SDK1: variants seen among roughly 807,000 people sequenced by gnomAD.
SDK1 encodes the protein sidekick cell adhesion molecule 1, also known as protein sidekick-1.
SDK1 carries 157 observed loss-of-function variants against 245.5 expected under a neutral mutation model. The observed-to-expected ratio is 0.64, with a 90% CI of 0.56 to 0.73. SDK1 has a LOEUF of 0.73. SDK1 is among the 30% of genes least tolerant of loss of function. SDK1 has a pLI of 0.00. For missense variants in SDK1, 3,583 were observed against 3,002.3 expected (o/e 1.19, Z -4.52); for synonymous variants, 1,647 against 1,278.5 (o/e 1.29, Z -6.15).
At chr7:3,899,563 G>A (rs1456953231) in intron 5 of SDK1, among the ~76,000 whole-genome samples, 1 of 152,228 alleles carries the variant, frequency 6.6e-6, no homozygotes, top group Non-Finnish European at 1.5e-5. Context: ...CGGGTGCAGA[G>A]TGGGCCCTCC....
intron 5 of SDK1, among the ~76,000 whole-genome samples, chr7:3,886,316 GA>G: frequency 6.6e-6 from 1 of 152,336 alleles, no homozygotes; most frequent in East Asian, 1.9e-4. Context: ...GTTAGGCAAA[GA>G]GATAGAGATG....
At chr7:4,257,906 G>A (rs918799907) in intron 44 of SDK1, among the ~76,000 whole-genome samples, 4 of 150,546 alleles carry the variant, frequency 2.7e-5, no homozygotes, top group African/African-American at 7.5e-5. Flanking sequence ...AGCCAATCAC[G>A]GTTTTCTGAG....
intron 30 of SDK1, among the ~76,000 whole-genome samples, chr7:4,155,733 C>A (rs1780688679): frequency 6.6e-6 from 1 of 152,204 alleles, no homozygotes; most frequent in African/African-American, 2.4e-5. Context: ...AGAAACTTCG[C>A]AGATGGGGAA....
At chr7:4,060,804 G>A (rs1779489958) in intron 19 of SDK1, among the ~76,000 whole-genome samples, 1 of 152,118 alleles carries the variant, frequency 6.6e-6, no homozygotes, top group South Asian at 2.1e-4. Flanking sequence ...AATCCATCTT[G>A]AATTGATTTT....
intron 1 of SDK1, among the ~76,000 whole-genome samples, chr7:3,477,189 CTTTTTTTTTT>C (rs35328849): frequency 0.011 from 859 of 78,702 alleles, 21 homozygotes; most frequent in African/African-American, 0.038. Flanking sequence ...TGGTTTTCTC[CTTTTTTTTTT>C]TTTTTTTTTT....
chr7:3,895,909 T>C (rs2128103596), intron 5 of SDK1, among the ~76,000 whole-genome samples: 1 of 152,356 alleles, frequency 6.6e-6, no homozygotes, highest in Non-Finnish European at 1.5e-5. Context: ...TTTCTGTTAC[T>C]GATTTCTGAT....
chr7:4,019,681 C>G (rs1306618220), intron 17 of SDK1, among the ~76,000 whole-genome samples: 1 of 151,816 alleles, frequency 6.6e-6, no homozygotes, highest in Non-Finnish European at 1.5e-5. Context: ...ATCTGCAGCT[C>G]GGCTTCTGTA....
intron 1 of SDK1, among the ~76,000 whole-genome samples, chr7:3,512,668 G>T (rs1782621541): frequency 6.6e-6 from 1 of 152,178 alleles, no homozygotes; most frequent in Non-Finnish European, 1.5e-5. Context: ...TGTTGTTGAT[G>T]AAGTATCTAT....
At chr7:4,013,584 A>G (rs1786155100) in intron 16 of SDK1, among the ~76,000 whole-genome samples, 1 of 152,196 alleles carries the variant, frequency 6.6e-6, no homozygotes, top group Admixed American at 6.5e-5. Context: ...ATGAAGGGCA[A>G]CGCCTTCCCT....
Position 4,008,700 on chromosome 7 carries a change from A to T in SDK1, c.2132-2266A>T, listed in dbSNP as rs185907348. 2.0e-3 allele frequency among the ~76,000 whole-genome samples: 308 copies of T among 152,344 alleles called. 2 individuals are homozygous for T. The highest frequency in any genetic ancestry group is 7.3e-3 in the African/African-American group (302 of 41,580). On this transcript the variant is annotated intron_variant, in intron 14 of 44. Transcript: ENST00000404826. The stretch of plus-strand genomic sequence containing the variant: ...GGTACTGTGGCATGCCTGGGCATCT[A>T]ACAAAGGCAAAAAGGAAAAAAAGGG...
chr7:3,843,576 T>G (rs545329121), intron 5 of SDK1, among the ~76,000 whole-genome samples: 2 of 152,374 alleles, frequency 1.3e-5, no homozygotes, highest in East Asian at 3.9e-4. Flanking sequence ...TTCATTATGC[T>G]TTTGATGGAA....
intron 1 of SDK1, among the ~76,000 whole-genome samples, chr7:3,430,833 G>A (rs531243071): frequency 6.6e-6 from 1 of 152,198 alleles, no homozygotes; most frequent in African/African-American, 2.4e-5. Context: ...GATGGGGGCT[G>A]CCTGCAGAGC....
At chr7:3,365,597 T>C (rs1389691445) in intron 1 of SDK1, among the ~76,000 whole-genome samples, 1 of 152,236 alleles carries the variant, frequency 6.6e-6, no homozygotes, top group Non-Finnish European at 1.5e-5. Flanking sequence ...TACACATAAA[T>C]GTTTTAAAAT....
At chr7:3,341,039 A>G (rs1459958212) in intron 1 of SDK1, among the ~76,000 whole-genome samples, 1 of 152,164 alleles carries the variant, frequency 6.6e-6, no homozygotes, top group African/African-American at 2.4e-5. Context: ...GTCTAGTATT[A>G]CCCTGACAGC....
At chr7:3,935,863 C>T (rs1275934078) in intron 5 of SDK1, among the ~76,000 whole-genome samples, 1 of 152,156 alleles carries the variant, frequency 6.6e-6, no homozygotes, top group Non-Finnish European at 1.5e-5. Flanking sequence ...GTCAGGTTAC[C>T]GTATGGTCTA....
chr7:4,009,837 A>T (rs187944578), intron 14 of SDK1, among the ~76,000 whole-genome samples: 97 of 152,334 alleles, frequency 6.4e-4, no homozygotes, highest in Middle Eastern at 3.4e-3. Flanking sequence ...ATTTATGGCC[A>T]CTGCTTGGTG....
At chr7:3,504,097 C>T (rs531974455) in intron 1 of SDK1, among the ~76,000 whole-genome samples, 1 of 151,164 alleles carries the variant, frequency 6.6e-6, no homozygotes, top group African/African-American at 2.4e-5. Flanking sequence ...TTGTAGTGAG[C>T]CAAGATCGCG....
In SDK1 at chr7:4,129,927, A is replaced by G; in HGVS notation, c.3959A>G (p.Asp1320Gly). ...LGYKILFRAK[D>G]LDPEPRSHIV... is the part of the protein sequence containing the mutation. ...CCACAGATCCTGTTCCGGGCCAAAG[A>G]CCTGGATCCCGAGCCCAGGAGCCAC... Residue 1320 changes from aspartate (D) to glycine (G), a missense_variant, in exon 27 of 45, where the codon GAC becomes GGC. Coordinates refer to ENST00000404826, the MANE Select transcript of SDK1 (RefSeq NM_152744.4). 1.9e-6 allele frequency: 3 copies of G among 1,613,642 alleles called. No individual in the cohort carries two copies. The highest frequency in any genetic ancestry group is 3.3e-5 in the Admixed American group (2 of 60,008).
chr7:3,813,486 C>T (rs1216707600), intron 4 of SDK1, among the ~76,000 whole-genome samples: 6 of 141,140 alleles, frequency 4.3e-5, no homozygotes, highest in Non-Finnish European at 7.7e-5. Context: ...GTATATGTGC[C>T]ACATTTTCTT....
Sources: gnomAD v4.1 joint callset for allele counts (sites outside exome capture counted in the v4.1 genomes callset) on GRCh38, gnomAD v4.1.1 for gene constraint, MANE v1.5 for transcripts, NCBI Gene and HGNC (gene_info 2026-07-23, HGNC 2026-07-21) for gene names.